Variants in FGGY observed in about 807,000 individuals in gnomAD.
The protein encoded by FGGY is FGGY carbohydrate kinase domain-containing protein.
FGGY carries 72 observed loss-of-function variants against 71.3 expected under a neutral mutation model. The observed-to-expected ratio is 1.01, with a 90% CI of 0.84 to 1.23. The LOEUF is 1.23. FGGY is among the 50% of genes most tolerant of loss of function. The pLI, the probability that FGGY is intolerant of heterozygous loss-of-function variation, is 0.00. For synonymous variants in FGGY, 251 were observed against 250.3 expected (o/e 1.00, Z -0.02); for missense variants, 668 against 682.3 (o/e 0.98, Z 0.23).
intron 12 of FGGY, among the ~76,000 whole-genome samples, chr1:59,662,025 A>G (rs1256447015): frequency 1.4e-5 from 2 of 144,586 alleles, no homozygotes; most frequent in Non-Finnish European, 3.1e-5. Context: ...GGCCGAGTTA[A>G]GAGGTATTTT....
intron 9 of FGGY, among the ~76,000 whole-genome samples, chr1:59,623,061 A>G (rs1299812002): frequency 6.6e-6 from 1 of 152,158 alleles, no homozygotes; most frequent in Non-Finnish European, 1.5e-5. Context: ...AGGGTAAGAG[A>G]CAGACATATA....
intron 5 of FGGY, among the ~76,000 whole-genome samples, chr1:59,387,266 A>G (rs1001708469): frequency 6.6e-6 from 1 of 152,126 alleles, no homozygotes; most frequent in African/African-American, 2.4e-5. Context: ...TATGCTTTGT[A>G]CAACTTATTT....
At chr1:59,499,803 G>T (rs960116582) in intron 6 of FGGY, among the ~76,000 whole-genome samples, 3 of 152,156 alleles carry the variant, frequency 2.0e-5, no homozygotes, top group African/African-American at 2.4e-5. Flanking sequence ...CCTGTGACCT[G>T]ACTCTTGAAA....
intron 8 of FGGY, among the ~76,000 whole-genome samples, chr1:59,561,275 T>A (rs2095789623): frequency 6.6e-6 from 1 of 152,182 alleles, no homozygotes. Context: ...CCTCGCTTCC[T>A]CTTTGTTTAC....
chr1:59,650,807 T>C (rs1378615752), intron 11 of FGGY, among the ~76,000 whole-genome samples: 2 of 145,248 alleles, frequency 1.4e-5, no homozygotes, highest in East Asian at 3.9e-4. Flanking sequence ...TGAATGTGTT[T>C]GCTCTTGCTT....
intron 14 of FGGY, among the ~76,000 whole-genome samples, chr1:59,745,547 A>G (rs554895259): frequency 1.3e-5 from 2 of 152,238 alleles, no homozygotes; most frequent in Non-Finnish European, 2.9e-5. Context: ...AAAAGTGTTC[A>G]GACCCTGCGG....
intron 14 of FGGY, among the ~76,000 whole-genome samples, chr1:59,751,835 C>T (rs1465274814): frequency 6.6e-6 from 1 of 152,230 alleles, no homozygotes; most frequent in East Asian, 1.9e-4. Context: ...TTATCTCCAT[C>T]ACGTGCAAAT....
chr1:59,694,959 A>G (rs1558823806), intron 14 of FGGY, among the ~76,000 whole-genome samples: 1 of 152,218 alleles, frequency 6.6e-6, no homozygotes, highest in African/African-American at 2.4e-5. Context: ...TTAGTTTTTC[A>G]TGGAGCATCT....
At chr1:59,738,850 G>A (rs116353133) in intron 14 of FGGY, among the ~76,000 whole-genome samples, 42 of 152,296 alleles carry the variant, frequency 2.8e-4, no homozygotes, top group East Asian at 2.3e-3. Flanking sequence ...AGGCCCCAAG[G>A]TCACACCACA....
At chr1:59,549,928 T>G (rs2095582889) in intron 7 of FGGY, among the ~76,000 whole-genome samples, 2 of 152,222 alleles carry the variant, frequency 1.3e-5, no homozygotes, top group African/African-American at 4.8e-5. Context: ...TTTTTAAACA[T>G]TGCTTGATAT....
chr1:59,554,680 A>C (rs1210705090), intron 8 of FGGY, among the ~76,000 whole-genome samples: 1 of 152,220 alleles, frequency 6.6e-6, no homozygotes, highest in Non-Finnish European at 1.5e-5. Context: ...CCTGCGTATC[A>C]TGACTTCAAA....
intron 11 of FGGY, among the ~76,000 whole-genome samples, chr1:59,645,194 A>G (rs369565637): frequency 9.8e-5 from 15 of 152,338 alleles, no homozygotes; most frequent in East Asian, 3.9e-4. Context: ...AACTCTGTGC[A>G]GCTGATCTGC....
At chr1:59,745,932 T>C (rs1390753554) in intron 14 of FGGY, among the ~76,000 whole-genome samples, 1 of 152,170 alleles carries the variant, frequency 6.6e-6, no homozygotes, top group Non-Finnish European at 1.5e-5. Context: ...TGTTGGTATA[T>C]TGTAATATTC....
At chr1:59,564,624 T>A (rs1046500879) in intron 8 of FGGY, among the ~76,000 whole-genome samples, 1 of 152,224 alleles carries the variant, frequency 6.6e-6, no homozygotes, top group African/African-American at 2.4e-5. Context: ...CCACACTTAC[T>A]AGAATGGCTG....
At chr1:59,601,413 A>G (rs1192732986) in intron 8 of FGGY, among the ~76,000 whole-genome samples, 1 of 152,222 alleles carries the variant, frequency 6.6e-6, no homozygotes, top group Non-Finnish European at 1.5e-5. Context: ...AACTAAGCCA[A>G]TGGCATGCAC....
chr1:59,331,512 G>C (rs2048475329), intron 2 of FGGY, among the ~76,000 whole-genome samples: 1 of 151,990 alleles, frequency 6.6e-6, no homozygotes, highest in African/African-American at 2.4e-5. Flanking sequence ...TTTCCATGAG[G>C]TCCACTCCTC....
Position 59,383,866 on chromosome 1 carries a change from G to A in FGGY, c.554+5029G>A, listed in dbSNP as rs895895097. Among the ~76,000 whole-genome samples, 7 of 152,016 alleles carry A rather than the reference G, an allele frequency of 4.6e-5. No homozygotes were observed. The South Asian group carries it at 6.2e-4, about 13-fold the overall frequency. On this transcript the variant is annotated intron_variant, in intron 5 of 15. Coordinates refer to ENST00000303721, the MANE Select transcript of FGGY (RefSeq NM_018291.5). ...CCTTACATGTATTGATTGATGTCTC[G>A]TGTCTCCCTAAAATGTATAGAAGCA...
chr1:59,528,416 C>T (rs995086389), intron 7 of FGGY, among the ~76,000 whole-genome samples: 2 of 152,122 alleles, frequency 1.3e-5, no homozygotes, highest in African/African-American at 4.8e-5. Context: ...ACAGAGAGAA[C>T]CTTGGTCTGT....
Position 59,407,676 on chromosome 1 carries a change from A to G in FGGY, c.554+28839A>G, listed in dbSNP as rs79070782. ...CTTCACATTAGGACCCTTTTCCCCC[A>G]GAGTGTGAGATTCCCTGAGGGCTCT... On this transcript the variant is annotated intron_variant, in intron 5 of 15. Transcript: ENST00000303721. Among the ~76,000 whole-genome samples the G allele has an allele frequency of 4.5e-3, 678 of 152,224 alleles. 5 individuals carry two copies. Among genetic ancestry groups the G allele is most frequent in the African/African-American group, 0.015 (630 of 41,544 alleles).
Sources: gnomAD v4.1 joint callset for allele counts (sites outside exome capture counted in the v4.1 genomes callset) on GRCh38, gnomAD v4.1.1 for gene constraint, MANE v1.5 for transcripts, NCBI Gene and HGNC (gene_info 2026-07-23, HGNC 2026-07-21) for gene names.